Variants in RHBDD1 observed in about 807,000 individuals in gnomAD.
RHBDD1 encodes rhomboid domain containing 1.
Under a neutral mutation model 36.3 loss-of-function variants are expected in RHBDD1, and 38 were observed. The observed-to-expected ratio is 1.05, with a 90% CI of 0.81 to 1.37. The LOEUF is 1.37. RHBDD1 is among the 40% of genes most tolerant of loss of function. The pLI is 0.00. For missense variants in RHBDD1, 393 were observed against 377.6 expected, an observed-to-expected ratio of 1.04 and a Z score of -0.34; for synonymous variants, 151 against 136.5, an observed-to-expected ratio of 1.11 and a Z score of -0.74.
intron 3 of RHBDD1, among the ~76,000 whole-genome samples, chr2:226,844,697 G>A (rs1354366119): frequency 6.6e-6 from 1 of 152,148 alleles, no homozygotes; most frequent in East Asian, 1.9e-4. Context: ...TGTTCCCTGT[G>A]TGCCTCCTGG....
upstream of RHBDD1, among the ~76,000 whole-genome samples, chr2:226,835,415 C>G (rs1163388516): frequency 6.6e-6 from 1 of 152,200 alleles, no homozygotes; most frequent in Non-Finnish European, 1.5e-5. Context: ...TGGTGCAGTC[C>G]CAGACCCAAG....
chr2:226,950,978 C>T (rs1454144747), intron 8 of RHBDD1, among the ~76,000 whole-genome samples: 1 of 152,016 alleles, frequency 6.6e-6, no homozygotes, highest in Non-Finnish European at 1.5e-5. Flanking sequence ...TTTATGTAAT[C>T]TTGTTTGTCT....
At chr2:226,848,405 A>AT (rs560240312) in intron 3 of RHBDD1, among the ~76,000 whole-genome samples, 7 of 152,134 alleles carry the variant, frequency 4.6e-5, no homozygotes, top group Admixed American at 2.0e-4. Flanking sequence ...GTCCTCCCTA[A>AT]TTTTTTGATA....
intron 8 of RHBDD1, among the ~76,000 whole-genome samples, chr2:226,980,998 G>C (rs1559339918): frequency 6.6e-6 from 1 of 152,206 alleles, no homozygotes; most frequent in African/African-American, 2.4e-5. Flanking sequence ...TTGAGACTGA[G>C]GCAGGCCATT....
chr2:226,906,172 C>T (rs1236358614), intron 5 of RHBDD1, among the ~76,000 whole-genome samples: 1 of 152,112 alleles, frequency 6.6e-6, no homozygotes, highest in Non-Finnish European at 1.5e-5. Context: ...ACTGTCATGC[C>T]CTAACGCAAA....
intron 7 of RHBDD1, among the ~76,000 whole-genome samples, chr2:226,909,745 T>C (rs1327589330): frequency 1.3e-5 from 2 of 152,100 alleles, no homozygotes; most frequent in Non-Finnish European, 2.9e-5. Context: ...TCACCAGAAC[T>C]GACCACACTG....
intron 8 of RHBDD1, among the ~76,000 whole-genome samples, chr2:226,974,339 G>T (rs1030520745): frequency 4.6e-5 from 7 of 151,890 alleles, no homozygotes; most frequent in Non-Finnish European, 7.4e-5. Context: ...CTGGGTTCAC[G>T]CCATTCTTCT....
At chr2:226,858,810 C>G (rs555641949) in intron 3 of RHBDD1, among the ~76,000 whole-genome samples, 1 of 152,152 alleles carries the variant, frequency 6.6e-6, no homozygotes, top group South Asian at 2.1e-4. Flanking sequence ...ATTTTCCTGT[C>G]AATATTTCAA....
At chr2:226,930,880 A>G (rs946820958) in intron 8 of RHBDD1, among the ~76,000 whole-genome samples, 2 of 152,050 alleles carry the variant, frequency 1.3e-5, no homozygotes, top group African/African-American at 4.8e-5. Flanking sequence ...GAAACGTATG[A>G]AAAAAATGCT....
At chr2:226,865,362 G>GACATA (rs1403352598) in intron 4 of RHBDD1, among the ~76,000 whole-genome samples, 1 of 152,188 alleles carries the variant, frequency 6.6e-6, no homozygotes, top group African/African-American at 2.4e-5. Flanking sequence ...TTTTGTAGAA[G>GACATA]ACATAGTATT....
At chr2:226,956,973 G>A (rs1289661093) in intron 8 of RHBDD1, among the ~76,000 whole-genome samples, 1 of 152,168 alleles carries the variant, frequency 6.6e-6, no homozygotes, top group South Asian at 2.1e-4. Flanking sequence ...ACCACTTCAA[G>A]GTTGAAAAAG....
upstream of RHBDD1, among the ~76,000 whole-genome samples, chr2:226,834,905 A>G (rs772470204): frequency 6.6e-6 from 1 of 152,132 alleles, no homozygotes; most frequent in African/African-American, 2.4e-5. Context: ...CCTCCCGAGT[A>G]GCCGGGATTA....
In RHBDD1 at chr2:226,899,376, C is replaced by CAA. The variant is rs1417916416; in HGVS notation, c.567-7417_567-7416insAA. Among the ~76,000 whole-genome samples, 315 of 152,244 alleles carry CAA rather than the reference C, an allele frequency of 2.1e-3. 4 individuals are homozygous for CAA. Among genetic ancestry groups the CAA allele is most frequent in the African/African-American group, 7.3e-3 (302 of 41,552 alleles). On this transcript the variant is annotated intron_variant, in intron 5 of 8. Transcript: ENST00000392062. The stretch of plus-strand genomic sequence containing the variant: ...TAGCAACATTGATTTGATTGTAACC[C>CAA]TTTCATATTTTATTAAAATTTTTTT...
At chr2:226,869,631 C>G (rs1213330884) in intron 5 of RHBDD1, among the ~76,000 whole-genome samples, 1 of 152,136 alleles carries the variant, frequency 6.6e-6, no homozygotes. Flanking sequence ...GTAATTTCCC[C>G]CAGTTACAGA....
At chr2:226,884,097 C>T (rs1946015511) in intron 5 of RHBDD1, among the ~76,000 whole-genome samples, 1 of 152,148 alleles carries the variant, frequency 6.6e-6, no homozygotes, top group African/African-American at 2.4e-5. Context: ...TAAATCACAT[C>T]TCTGGAGATT....
chr2:226,987,513 T>C (rs1957253729), intron 8 of RHBDD1, among the ~76,000 whole-genome samples: 1 of 152,194 alleles, frequency 6.6e-6, no homozygotes, highest in African/African-American at 2.4e-5. Flanking sequence ...AGCTGGCCAA[T>C]GAGGCAGGTT....
At chr2:226,897,877 G>T (rs938596436) in intron 5 of RHBDD1, among the ~76,000 whole-genome samples, 3 of 152,154 alleles carry the variant, frequency 2.0e-5, no homozygotes, top group African/African-American at 7.2e-5. Context: ...TACTCGGGAG[G>T]CTGAGGCAGG....
intron 5 of RHBDD1, among the ~76,000 whole-genome samples, chr2:226,877,374 A>G (rs1448194088): frequency 1.3e-5 from 2 of 152,166 alleles, no homozygotes; most frequent in East Asian, 1.9e-4. Flanking sequence ...GTCACCACCA[A>G]TCTCATCAGA....
intron 3 of RHBDD1, among the ~76,000 whole-genome samples, chr2:226,856,078 C>G (rs1464069743): frequency 3.3e-5 from 5 of 152,074 alleles, no homozygotes; most frequent in African/African-American, 1.2e-4. Flanking sequence ...CACTATACCC[C>G]CAGGACTCCC....
Sources: allele counts gnomAD v4.1 joint callset (sites outside exome capture counted in the v4.1 genomes callset), GRCh38; gene constraint gnomAD v4.1.1; transcripts MANE v1.5; gene names NCBI Gene and HGNC (gene_info 2026-07-23, HGNC 2026-07-21).